The following HYDIN variants were observed in gnomAD, a reference collection of about 807,000 sequenced individuals.
The protein encoded by HYDIN is axonemal central pair apparatus protein HYDIN.
In HYDIN, 132 loss-of-function variants were observed where a neutral mutation model predicts 403.9. That is an observed-to-expected ratio of 0.33 (90% CI 0.28 to 0.38). HYDIN has a LOEUF of 0.38. Ranked by LOEUF, HYDIN falls within the 10% of genes least tolerant of loss-of-function variation. HYDIN has a pLI of 1.00. For missense variants in HYDIN, 2,827 were observed against 5,009.5 expected (o/e 0.56, Z 13.15); for synonymous variants, 1,202 against 1,891.7 (o/e 0.64, Z 9.46).
At chr16:71,030,779 C>T (rs993725289) in intron 19 of HYDIN, among the ~76,000 whole-genome samples, 9 of 152,160 alleles carry the variant, frequency 5.9e-5, no homozygotes, top group Admixed American at 2.0e-4. Flanking sequence ...TCAGAGGTGT[C>T]TATACTGTAC....
At chr16:71,192,255 C>A (rs1317273503) in intron 1 of HYDIN, among the ~76,000 whole-genome samples, 1 of 152,156 alleles carries the variant, frequency 6.6e-6, no homozygotes, top group East Asian at 1.9e-4. Flanking sequence ...TCCATCCCTG[C>A]TGCCCCTCCT....
rs537243629 is a variant in HYDIN, at chr16:70,943,833, C to A, written c.6648G>T (p.Gln2216His). 6.2e-7 allele frequency: 1 copy of A among 1,613,074 alleles called. No homozygotes were observed. The highest frequency in any genetic ancestry group is 8.5e-7 in the Non-Finnish European group (1 of 1,180,038). ...SCVLPDELLV[Q>H]ILAERIQLSD... ...CCACCTGTATCCGCTCTGCCAGGAT[C>A]TGCACGAGAAGTTCATCCGGGAGCA... is the stretch of plus-strand genomic sequence containing the variant. Residue 2216 changes from glutamine to histidine, a missense_variant, in exon 42 of 86, where the codon CAG becomes CAT. By Grantham distance (24) the Gln-to-His change is conservative. Coordinates refer to ENST00000393567, the MANE Select transcript of HYDIN (RefSeq NM_001270974.2).
rs142423873 is a variant in HYDIN, at chr16:71,169,157, G to A, written c.517-6427C>T. On this transcript the variant is annotated intron_variant, in intron 5 of 85. Transcript: ENST00000393567. ...AAAGAAAATGTAGGCTGGGCACAGCGGCTCATGCCTGTAATCCTAGTACTT... is the reference window on the plus strand; with the variant it reads ...AAAGAAAATGTAGGCTGGGCACAGCAGCTCATGCCTGTAATCCTAGTACTT... Among the ~76,000 whole-genome samples, 697 of 152,286 alleles carry A rather than the reference G, an allele frequency of 4.6e-3. 4 individuals carry two copies. Among genetic ancestry groups the A allele is most frequent in the Non-Finnish European group, 7.0e-3 (479 of 68,018 alleles).
In HYDIN at chr16:71,200,924, C is replaced by G. The variant is rs1439942054; in HGVS notation, c.-23-14006G>C. ...TTAACCCAATTGGTACACTCTCTCC[C>G]TCCTCTGTCTGGGCTCTCCCTGTTT... On this transcript the variant is annotated intron_variant, in intron 1 of 85. Coordinates refer to ENST00000393567, the MANE Select transcript of HYDIN (RefSeq NM_001270974.2). Among the ~76,000 whole-genome samples the G allele has an allele frequency of 5.3e-5, 8 of 152,162 alleles. 1 individual carries two copies. Among genetic ancestry groups the G allele is most frequent in the African/African-American group, 1.9e-4 (8 of 41,438 alleles).
chr16:71,212,560 T>C (rs1397330784), intron 1 of HYDIN, among the ~76,000 whole-genome samples: 5 of 152,296 alleles, frequency 3.3e-5, no homozygotes, highest in Non-Finnish European at 4.4e-5. Context: ...TAATGGAATT[T>C]AGATATTCCA....
chr16:71,018,649 C>T (rs1478523579), intron 22 of HYDIN, among the ~76,000 whole-genome samples: 1 of 151,212 alleles, frequency 6.6e-6, no homozygotes, highest in Non-Finnish European at 1.5e-5. Context: ...ACAGCTAGTA[C>T]ATCTAAGTAT....
In HYDIN at chr16:70,806,664, T is replaced by G. The variant is rs1417712754; in HGVS notation, c.*916A>C. ...TCCTGCCCCTCTTGTAGGAGGGCTG[T>G]GGGGGATGAGTGTGGGGAGCAGGTA... is the stretch of plus-strand genomic sequence containing the variant. On this transcript the variant is annotated 3_prime_UTR_variant, in exon 86 of 86. Transcript: ENST00000393567. Among the ~76,000 whole-genome samples, 2 of 152,060 alleles carry G rather than the reference T, an allele frequency of 1.3e-5. No homozygotes were observed. Among genetic ancestry groups the G allele is most frequent in the African/African-American group, 2.4e-5 (1 of 41,394 alleles).
chr16:71,116,634 TAC>T (rs2084047054), intron 9 of HYDIN, among the ~76,000 whole-genome samples: 1 of 152,148 alleles, frequency 6.6e-6, no homozygotes, highest in South Asian at 2.1e-4. Context: ...CGTACCAATC[TAC>T]AGTCCCACCA....
intron 3 of HYDIN, among the ~76,000 whole-genome samples, chr16:71,181,253 A>G (rs758124085): frequency 2.0e-4 from 30 of 151,678 alleles, no homozygotes; most frequent in Admixed American, 1.3e-3. Context: ...CTGAATTTAT[A>G]CGGAAATGCA....
chr16:71,174,472 C>A (rs1189491123), intron 5 of HYDIN, among the ~76,000 whole-genome samples: 2 of 152,190 alleles, frequency 1.3e-5, no homozygotes, highest in African/African-American at 4.8e-5. Flanking sequence ...CTGCTATTAA[C>A]ATGATACACA....
chr16:70,892,684 G>A (rs1381406546), intron 55 of HYDIN, among the ~76,000 whole-genome samples, 155 bp from the exon 56 acceptor site: 5 of 151,420 alleles, frequency 3.3e-5, no homozygotes, highest in Non-Finnish European at 5.9e-5. Flanking sequence ...CATCGTGATC[G>A]CCTCTCCTTA....
intron 18 of HYDIN, among the ~76,000 whole-genome samples, chr16:71,059,642 G>A (rs1277214415): frequency 7.2e-5 from 11 of 152,120 alleles, no homozygotes; most frequent in African/African-American, 2.7e-4. Flanking sequence ...GGTGAAGGAT[G>A]GGAGGAAGAG....
chr16:71,221,478 T>G (rs1285303448), intron 1 of HYDIN, among the ~76,000 whole-genome samples: 19 of 151,996 alleles, frequency 1.3e-4, no homozygotes, highest in Admixed American at 1.2e-3. Context: ...CCTCCTTCAT[T>G]TTAGTCATCA....
At chr16:70,875,249 G>A (rs1021595462) in intron 62 of HYDIN, among the ~76,000 whole-genome samples, 4 of 150,532 alleles carry the variant, frequency 2.7e-5, no homozygotes, top group African/African-American at 9.9e-5. Context: ...ATATACGCTA[G>A]GCCAATAAAA....
intron 7 of HYDIN, among the ~76,000 whole-genome samples, chr16:71,137,965 G>T (rs2085000381): frequency 6.6e-6 from 1 of 151,136 alleles, no homozygotes; most frequent in African/African-American, 2.4e-5. Flanking sequence ...GACATGTCTG[G>T]ATAGTGGCCA....
chr16:71,117,030 T>TA (rs994459609), intron 9 of HYDIN, among the ~76,000 whole-genome samples: 1 of 137,608 alleles, frequency 7.3e-6, no homozygotes, highest in African/African-American at 2.7e-5. Flanking sequence ...GCTGTGTCTA[T>TA]AAAAATACAG....
intron 23 of HYDIN, among the ~76,000 whole-genome samples, chr16:71,017,768 G>A (rs1433303632): frequency 6.6e-6 from 1 of 151,148 alleles, no homozygotes; most frequent in Non-Finnish European, 1.5e-5. Context: ...AATTTGTTAA[G>A]TTGTATATAT....
chr16:70,858,391 T>C (rs2039165799), intron 71 of HYDIN, among the ~76,000 whole-genome samples: 1 of 148,446 alleles, frequency 6.7e-6, no homozygotes, highest in African/African-American at 2.5e-5. Flanking sequence ...TAAGTGATAT[T>C]ACAAAGTAAC....
chr16:70,904,551 A>T (rs1202944862), intron 50 of HYDIN, among the ~76,000 whole-genome samples: 1 of 60,758 alleles, frequency 1.6e-5, no homozygotes, highest in Non-Finnish European at 2.9e-5. Flanking sequence ...CCCAAGTTGG[A>T]GTGCAGTGGC....
Sources: allele counts gnomAD v4.1 joint callset (sites outside exome capture counted in the v4.1 genomes callset), GRCh38; gene constraint gnomAD v4.1.1; transcripts MANE v1.5; gene names NCBI Gene and HGNC (gene_info 2026-07-23, HGNC 2026-07-21).